The following GLIS3 variants were observed in gnomAD, a reference collection of about 807,000 sequenced individuals.
GLIS3 encodes GLIS family zinc finger 3.
In GLIS3, 53 loss-of-function variants were observed where a neutral mutation model predicts 78.6. The observed-to-expected ratio is 0.67, with a 90% CI of 0.54 to 0.85. The LOEUF is 0.85. GLIS3 is among the 40% of genes least tolerant of loss of function. GLIS3 has a pLI of 0.00. For synonymous variants in GLIS3, 684 were observed against 509.9 expected, an observed-to-expected ratio of 1.34 and a Z score of -4.60; for missense variants, 1,703 against 1,231.1, an observed-to-expected ratio of 1.38 and a Z score of -5.74.
intron 6 of GLIS3, among the ~76,000 whole-genome samples, chr9:3,920,067 G>C (rs1169970608): frequency 6.7e-6 from 1 of 149,312 alleles, no homozygotes; most frequent in Non-Finnish European, 1.5e-5. Flanking sequence ...GCAGTGGCAC[G>C]GTCTCGGCTC....
chr9:4,193,877 A>G (rs1356450948), intron 2 of GLIS3, among the ~76,000 whole-genome samples: 2 of 152,206 alleles, frequency 1.3e-5, no homozygotes, highest in South Asian at 2.1e-4. Context: ...CCAAATATGG[A>G]CTTTGTTTCC....
chr9:4,341,062 C>A (rs1007345763), intron 2 of GLIS3, among the ~76,000 whole-genome samples: 2 of 152,198 alleles, frequency 1.3e-5, no homozygotes, highest in African/African-American at 2.4e-5. Context: ...GTCTTTCTTC[C>A]CTCTAATCCA....
At chr9:3,866,819 C>T (rs76122245) in intron 8 of GLIS3, among the ~76,000 whole-genome samples, 1,939 of 152,270 alleles carry the variant, frequency 0.013, 37 homozygotes, top group African/African-American at 0.041. Flanking sequence ...CCATTTACAT[C>T]TTAAAGGGTA....
At chr9:4,037,790 G>T (rs183512546) in intron 4 of GLIS3, among the ~76,000 whole-genome samples, 1 of 152,150 alleles carries the variant, frequency 6.6e-6, no homozygotes, top group Non-Finnish European at 1.5e-5. Context: ...ATCTCTCCAA[G>T]AGTTGCTTAT....
chr9:4,179,766 C>T (rs10974368), intron 2 of GLIS3, among the ~76,000 whole-genome samples: 11,147 of 151,886 alleles, frequency 0.073, 533 homozygotes, highest in East Asian at 0.22. Flanking sequence ...AAAAATTAGC[C>T]GGGTTTGGTG....
chr9:4,095,638 C>A (rs1448062762), intron 4 of GLIS3, among the ~76,000 whole-genome samples: 1 of 152,164 alleles, frequency 6.6e-6, no homozygotes, highest in Non-Finnish European at 1.5e-5. Context: ...TTGAACAAGA[C>A]AACACTACTC....
chr9:4,098,961 G>A (rs575926765), intron 4 of GLIS3, among the ~76,000 whole-genome samples: 2 of 152,104 alleles, frequency 1.3e-5, no homozygotes, highest in African/African-American at 4.8e-5. Flanking sequence ...CACACTACAA[G>A]TAAGTCTGAA....
intron 4 of GLIS3, among the ~76,000 whole-genome samples, chr9:4,002,066 G>C (rs2129924590): frequency 6.6e-6 from 1 of 152,238 alleles, no homozygotes; most frequent in Admixed American, 6.5e-5. Context: ...AAGGATTTCT[G>C]ATATGGACAG....
intron 4 of GLIS3, among the ~76,000 whole-genome samples, chr9:4,088,249 C>G (rs968450428): frequency 6.6e-6 from 1 of 152,262 alleles, no homozygotes; most frequent in African/African-American, 2.4e-5. Context: ...ATTTACCGAC[C>G]TGCCTCCTTT....
At chr9:4,288,628 CAACTT>C (rs1257962704) in intron 1 of GLIS3, among the ~76,000 whole-genome samples, 6 of 152,150 alleles carry the variant, frequency 3.9e-5, no homozygotes, top group South Asian at 2.1e-4. Flanking sequence ...AGAGCACTGA[CAACTT>C]AATTAAGTAT....
At chr9:3,951,982 C>T (rs781150568) in intron 4 of GLIS3, among the ~76,000 whole-genome samples, 1 of 151,782 alleles carries the variant, frequency 6.6e-6, no homozygotes, top group Non-Finnish European at 1.5e-5. Context: ...GGCACAATGA[C>T]TGAACTTTTA....
chr9:4,410,402 G>A, the GLIS3 span, among the ~76,000 whole-genome samples: 1 of 152,118 alleles, frequency 6.6e-6, no homozygotes, highest in Non-Finnish European at 1.5e-5. Flanking sequence ...TTTAGTTACA[G>A]TTGTAGGCCA....
chr9:4,140,503 G>A (rs1833729725), intron 2 of GLIS3, among the ~76,000 whole-genome samples: 1 of 152,190 alleles, frequency 6.6e-6, no homozygotes, highest in Non-Finnish European at 1.5e-5. Flanking sequence ...GACCCAGAGG[G>A]AAGGAAAATA....
chr9:3,958,965 G>T (rs1588316180), intron 4 of GLIS3, among the ~76,000 whole-genome samples: 1 of 152,216 alleles, frequency 6.6e-6, no homozygotes. Context: ...TTAATCTTCA[G>T]TAAAGACTAT....
At chr9:4,481,004 A>G in the GLIS3 span, among the ~76,000 whole-genome samples, 1 of 151,994 alleles carries the variant, frequency 6.6e-6, no homozygotes, top group African/African-American at 2.4e-5. Context: ...ATGGGCAAGC[A>G]CCACCACACC....
At chr9:4,357,551 G>A in the GLIS3 span, among the ~76,000 whole-genome samples, 33 of 144,068 alleles carry the variant, frequency 2.3e-4, no homozygotes, top group African/African-American at 8.3e-4. Flanking sequence ...AGAATAATGT[G>A]AACTAATTCC....
Position 3,976,212 on chromosome 9 carries a change from T to G in GLIS3, c.1711-39023A>C, listed in dbSNP as rs565765808. Reference sequence around the variant, plus strand: ...ACACCCAGTTGCCTTCACATCAACATGTGAATTTTTTTTTTCTTTTAATAA... The same window carrying G: ...ACACCCAGTTGCCTTCACATCAACAGGTGAATTTTTTTTTTCTTTTAATAA... On this transcript the variant is annotated intron_variant, in intron 4 of 10. Transcript: ENST00000381971. Among the ~76,000 whole-genome samples, 6 of 152,142 alleles carry G rather than the reference T, an allele frequency of 3.9e-5. No homozygotes were observed. The East Asian group carries it at 1.2e-3, about 29-fold the overall frequency.
intron 2 of GLIS3, among the ~76,000 whole-genome samples, chr9:4,130,991 C>T (rs1400620750): frequency 6.6e-6 from 1 of 152,174 alleles, no homozygotes; most frequent in African/African-American, 2.4e-5. Context: ...CCTCTTGCAC[C>T]AGTGTGGCCT....
chr9:4,167,171 G>T (rs762637332), intron 2 of GLIS3, among the ~76,000 whole-genome samples: 2 of 152,178 alleles, frequency 1.3e-5, no homozygotes, highest in African/African-American at 4.8e-5. Context: ...TAAGGGAGTT[G>T]CCCAAGAGCA....
Sources: allele counts gnomAD v4.1 joint callset (sites outside exome capture counted in the v4.1 genomes callset), GRCh38; gene constraint gnomAD v4.1.1; transcripts MANE v1.5; gene names NCBI Gene and HGNC (gene_info 2026-07-23, HGNC 2026-07-21).